SV2B: variants seen among roughly 807,000 people sequenced by gnomAD.
The protein encoded by SV2B is synaptic vesicle glycoprotein 2B.
In SV2B, 41 loss-of-function variants were observed where a neutral mutation model predicts 73.9. The ratio of observed to expected loss-of-function variants is 0.56; its 90% CI spans 0.43 to 0.72. The LOEUF is 0.72. Ranked by LOEUF, SV2B falls within the 30% of genes least tolerant of loss-of-function variation. The pLI is 0.00. For missense variants in SV2B, 764 were observed against 857.8 expected (o/e 0.89, Z 1.37); for synonymous variants, 314 against 314.2 (o/e 1.00, Z 0.01).
chr15:91,122,494 C>G lies in SV2B; in HGVS notation c.-392+22131C>G, dbSNP rs1307897902. On this transcript the variant is annotated intron_variant, in intron 1 of 12. Coordinates refer to ENST00000394232, the MANE Select transcript of SV2B (RefSeq NM_001323032.3). This position sits in a 1 kb window ranked among gnomAD's most constrained non-coding sequence, Gnocchi z 4.3. Reference sequence around the variant, plus strand: ...CCTTGTAAGCCATTTGGACACCTCACCCTGCTTCTCCTTCTCTGCCAACAT... The same window carrying G: ...CCTTGTAAGCCATTTGGACACCTCAGCCTGCTTCTCCTTCTCTGCCAACAT... 6.6e-6 allele frequency among the ~76,000 whole-genome samples: 1 copy of G among 152,204 alleles called. No individual in the cohort carries two copies. The highest frequency in any genetic ancestry group is 2.4e-5 in the African/African-American group (1 of 41,454).
At chr15:91,186,352 A>G (rs1046007106) in intron 1 of SV2B, among the ~76,000 whole-genome samples, 2 of 152,350 alleles carry the variant, frequency 1.3e-5, no homozygotes, top group Admixed American at 6.5e-5. Context: ...AAAATTATAT[A>G]TAAAACATAT....
chr15:91,259,723 A>G (rs2047837545), intron 5 of SV2B, among the ~76,000 whole-genome samples: 1 of 152,168 alleles, frequency 6.6e-6, no homozygotes, highest in Non-Finnish European at 1.5e-5. Context: ...TGCAGCTGCA[A>G]CACTCCAGTC....
chr15:91,204,598 C>T (rs1201025165), intron 1 of SV2B, among the ~76,000 whole-genome samples: 2 of 131,070 alleles, frequency 1.5e-5, no homozygotes, highest in Non-Finnish European at 3.1e-5. Context: ...ATTCTGTTGT[C>T]TATACTAGAG....
intron 1 of SV2B, among the ~76,000 whole-genome samples, chr15:91,154,404 G>T (rs1339770232): frequency 6.6e-6 from 1 of 152,078 alleles, no homozygotes; most frequent in Admixed American, 6.5e-5. Flanking sequence ...GAGATACTAA[G>T]ATTAAGTGAC....
At chr15:91,187,740 G>C (rs1243426676) in intron 1 of SV2B, among the ~76,000 whole-genome samples, 1 of 150,922 alleles carries the variant, frequency 6.6e-6, no homozygotes, top group Non-Finnish European at 1.5e-5. Context: ...AATTTTTATT[G>C]AGTTAAATCA....
At chr15:91,246,742 C>CT (rs2047246341) in intron 2 of SV2B, among the ~76,000 whole-genome samples, 2 of 152,060 alleles carry the variant, frequency 1.3e-5, no homozygotes, top group African/African-American at 4.8e-5. Flanking sequence ...CCTCCTCCTC[C>CT]TCCTCCTTCT....
At chr15:91,143,703 C>T (rs1049310484) in intron 1 of SV2B, among the ~76,000 whole-genome samples, 2 of 152,134 alleles carry the variant, frequency 1.3e-5, no homozygotes, top group African/African-American at 4.8e-5. Context: ...TCCGATTTTT[C>T]TGGAATAGAT....
In SV2B at chr15:91,258,362, T is replaced by C; in HGVS notation, c.785-59T>C. 1 of 1,597,164 alleles carries C rather than the reference T, an allele frequency of 6.3e-7. No individual in the cohort carries two copies. Among genetic ancestry groups the C allele is most frequent in the African/African-American group, 1.3e-5 (1 of 74,824 alleles). On this transcript the variant is annotated intron_variant, in intron 4 of 12. Coordinates refer to ENST00000394232, the MANE Select transcript of SV2B (RefSeq NM_001323032.3). The surrounding 1 kb of genome is among the most constrained non-coding windows in gnomAD (Gnocchi z 4.7). ...TTGTGAGCCAGGGCTTCAGAGTCAC[T>C]CTTCCGTAGAGGAAAAGATCATGTC...
At position 91,283,888 on chromosome 15, in the gene SV2B, C is replaced by CGACATGGCCACATA; in HGVS notation, c.1508-133_1508-132insGACATGGCCACATA. The stretch of plus-strand genomic sequence containing the variant: ...ATGACATGGCCACATATTACCTTGA[C>CGACATGGCCACATA]TTTGAGGCTGTCTGACTGGCAAAGG... On this transcript the variant is annotated intron_variant, in intron 10 of 12. Coordinates refer to ENST00000394232, the MANE Select transcript of SV2B (RefSeq NM_001323032.3). This position sits in a 1 kb window ranked among gnomAD's most constrained non-coding sequence, Gnocchi z 4.3. 10 of 902,348 alleles carry CGACATGGCCACATA rather than the reference C, an allele frequency of 1.1e-5. No individual in the cohort carries two copies. The highest frequency in any genetic ancestry group is 1.6e-5 in the Non-Finnish European group (9 of 568,994). The allele number at this position is 902,348 out of a possible 1,614,324, so 55.9% of individuals were successfully genotyped here.
At chr15:91,233,816 C>T (rs1171046996) in intron 2 of SV2B, among the ~76,000 whole-genome samples, 1 of 152,184 alleles carries the variant, frequency 6.6e-6, no homozygotes, top group Non-Finnish European at 1.5e-5. Context: ...CTCTTTGCTT[C>T]TAGACCTGTA....
At chr15:91,150,959 A>G (rs1430334205) in intron 1 of SV2B, among the ~76,000 whole-genome samples, 2 of 152,158 alleles carry the variant, frequency 1.3e-5, no homozygotes, top group African/African-American at 2.4e-5. Flanking sequence ...GGAGACTCAT[A>G]TGATTATGAT....
intron 1 of SV2B, among the ~76,000 whole-genome samples, chr15:91,195,912 T>G (rs1240836051): frequency 6.6e-6 from 1 of 152,208 alleles, no homozygotes; most frequent in African/African-American, 2.4e-5. Context: ...AGCATCAGGA[T>G]GAGAGAACCT....
chr15:91,224,380 A>G lies in SV2B; in HGVS notation c.-391-1493A>G, dbSNP rs2046309331. 6.6e-6 allele frequency among the ~76,000 whole-genome samples: 1 copy of G among 151,922 alleles called. No homozygotes were observed. The highest frequency in any genetic ancestry group is 2.4e-5 in the African/African-American group (1 of 41,356). On this transcript the variant is annotated intron_variant, in intron 1 of 12. Transcript: ENST00000394232. The surrounding 1 kb of genome is among the most constrained non-coding windows in gnomAD (Gnocchi z 4.9). ...GAGCATTATCCCTATCAGAGGGTCC[A>G]GCAGCTGGGAGCACTGGGGTGGGGT...
At position 91,226,031 on chromosome 15, in the gene SV2B, GA is replaced by G. The variant is rs994586817; in HGVS notation, c.-232del. 1.9e-5 allele frequency: 10 copies of G among 531,014 alleles called. No homozygotes were observed. Among genetic ancestry groups the G allele is most frequent in the Non-Finnish European group, 3.3e-5 (10 of 302,214 alleles). The allele number at this position is 531,014 out of a possible 1,614,324, so 32.9% of individuals were successfully genotyped here. A position where few individuals can be genotyped will look rare whatever the true frequency, so the allele number is the denominator to read the frequency against. On this transcript the variant is annotated 5_prime_UTR_variant, in exon 2 of 13. Coordinates refer to ENST00000394232, the MANE Select transcript of SV2B (RefSeq NM_001323032.3). ...GGAGACCAGAGCTTGAAACTTTCCAGACTTCCAACAGACATCGAGTGCAAAA... is the reference window on the plus strand; with the variant it reads ...GGAGACCAGAGCTTGAAACTTTCCAGCTTCCAACAGACATCGAGTGCAAAA...
chr15:91,151,046 G>A (rs1452388973), intron 1 of SV2B, among the ~76,000 whole-genome samples: 1 of 152,240 alleles, frequency 6.6e-6, no homozygotes, highest in Non-Finnish European at 1.5e-5. Flanking sequence ...CAGTCAAGAT[G>A]ATTTAGGTGA....
intron 1 of SV2B, among the ~76,000 whole-genome samples, chr15:91,156,205 C>G (rs1478820391): frequency 2.0e-5 from 3 of 152,092 alleles, no homozygotes; most frequent in African/African-American, 4.8e-5. Flanking sequence ...AAAGAAATGC[C>G]TCAGTAAGCT....
intron 6 of SV2B, among the ~76,000 whole-genome samples, chr15:91,263,868 C>A (rs1053320537): frequency 6.6e-6 from 1 of 152,262 alleles, no homozygotes; most frequent in African/African-American, 2.4e-5. Flanking sequence ...CCTCTGCCTT[C>A]TCTCTATTCT....
chr15:91,226,217 C>T lies in SV2B; in HGVS notation c.-47C>T, dbSNP rs536813525. On this transcript the variant is annotated 5_prime_UTR_variant, in exon 2 of 13. The change creates a premature stop within an existing upstream ORF in the 5' untranslated region. Transcript: ENST00000394232. ...AATAGCCCAAACCTCTACCACAGAG[C>T]GAGGGATATAGCTCAAGGGGCAACC... 5.5e-5 allele frequency: 87 copies of T among 1,578,740 alleles called. No homozygotes were observed. Among genetic ancestry groups the T allele is most frequent in the Middle Eastern group, 3.4e-4 (2 of 5,904 alleles).
At position 91,227,419 on chromosome 15, in the gene SV2B, A is replaced by G. The variant is rs2046420177; in HGVS notation, c.451+705A>G. On this transcript the variant is annotated intron_variant, in intron 2 of 12. Coordinates refer to ENST00000394232, the MANE Select transcript of SV2B (RefSeq NM_001323032.3). The surrounding 1 kb of genome is among the most constrained non-coding windows in gnomAD (Gnocchi z 4.5). ...GAAATTAGAGAGACGGTGTGCACAA[A>G]TGGTGTGATGTAGAAAAGATTCATC... Among the ~76,000 whole-genome samples the G allele has an allele frequency of 6.6e-6, 1 of 152,202 alleles. No individual in the cohort carries two copies. Among genetic ancestry groups the G allele is most frequent in the Non-Finnish European group, 1.5e-5 (1 of 68,024 alleles).
Sources: allele counts gnomAD v4.1 joint callset (sites outside exome capture counted in the v4.1 genomes callset), GRCh38; gene constraint gnomAD v4.1.1; non-coding constraint Gnocchi (gnomAD v3.1); transcripts MANE v1.5; gene names NCBI Gene and HGNC (gene_info 2026-07-23, HGNC 2026-07-21).